Variants in SLC44A1 observed in about 807,000 individuals in gnomAD.
SLC44A1 encodes the protein solute carrier family 44 member 1.
In SLC44A1, 26 loss-of-function variants were observed where a neutral mutation model predicts 79.3. The ratio of observed to expected loss-of-function variants is 0.33; its 90% CI spans 0.24 to 0.46. SLC44A1 has a LOEUF of 0.46. SLC44A1 is among the 20% of genes least tolerant of loss of function. SLC44A1 has a pLI of 1.00. For missense variants in SLC44A1, 688 were observed against 798.1 expected, an observed-to-expected ratio of 0.86 and a Z score of 1.66; for synonymous variants, 263 against 286.2, an observed-to-expected ratio of 0.92 and a Z score of 0.82.
chr9:105,417,432 C>A (rs1038272433), intron 15 of SLC44A1, among the ~76,000 whole-genome samples: 2 of 152,094 alleles, frequency 1.3e-5, no homozygotes, highest in African/African-American at 4.8e-5. Context: ...CCATACCATG[C>A]ATGTCTTTAT....
intron 1 of SLC44A1, among the ~76,000 whole-genome samples, chr9:105,261,280 T>C (rs1829832441): frequency 1.3e-5 from 2 of 152,154 alleles, no homozygotes; most frequent in Non-Finnish European, 2.9e-5. Context: ...GATAGATTTA[T>C]TATATAAGAA....
intron 3 of SLC44A1, among the ~76,000 whole-genome samples, chr9:105,313,672 A>T (rs1485409794): frequency 1.3e-5 from 2 of 152,200 alleles, no homozygotes; most frequent in African/African-American, 4.8e-5. Flanking sequence ...TTTCTGTCAC[A>T]TTCTAGATTG....
At chr9:105,265,940 G>T (rs374658464) in intron 1 of SLC44A1, among the ~76,000 whole-genome samples, 99 of 149,472 alleles carry the variant, frequency 6.6e-4, no homozygotes, top group African/African-American at 2.5e-3. Flanking sequence ...TCGAATTATT[G>T]CTCTCTCTCT....
intron 4 of SLC44A1, among the ~76,000 whole-genome samples, chr9:105,342,974 C>CT (rs1423427037): frequency 1.5e-5 from 2 of 136,058 alleles, no homozygotes; most frequent in Non-Finnish European, 3.1e-5. Context: ...ATCCTTGTCT[C>CT]TAAAAAAAAA....
chr9:105,417,411 T>G (rs1050906146), intron 15 of SLC44A1, among the ~76,000 whole-genome samples: 8 of 152,136 alleles, frequency 5.3e-5, no homozygotes, highest in South Asian at 4.1e-4. Flanking sequence ...TCCCTCCTGC[T>G]TGGTCTTCAG....
intron 3 of SLC44A1, among the ~76,000 whole-genome samples, chr9:105,323,232 A>AG (rs1826456093): frequency 6.7e-6 from 1 of 148,554 alleles, no homozygotes; most frequent in Admixed American, 6.6e-5. Context: ...AAAAAAAAAA[A>AG]AAAGAAAGAA....
chr9:105,266,624 G>C (rs1829968673), intron 1 of SLC44A1, among the ~76,000 whole-genome samples: 1 of 152,080 alleles, frequency 6.6e-6, no homozygotes, highest in African/African-American at 2.4e-5. Flanking sequence ...TATATGTGTG[G>C]ATCTATTTCA....
Position 105,362,870 on chromosome 9 carries a change from C to A in SLC44A1, c.950C>A (p.Thr317Asn). Reference sequence around the variant, plus strand: ...GTTATGCGCAAACGTGTTGCTCTTACCATCGCCTTGTTCCACGTAGCTGGC... The same window carrying A: ...GTTATGCGCAAACGTGTTGCTCTTAACATCGCCTTGTTCCACGTAGCTGGC... Reference protein sequence around the residue: ...MLVMRKRVALTIALFHVAGKV... With the variant: ...MLVMRKRVALNIALFHVAGKV... Residue 317 changes from threonine to asparagine, a missense_variant, in exon 9 of 16, where the codon ACC (threonine) becomes AAC (asparagine). Transcript: ENST00000374720. The A allele has an allele frequency of 1.2e-6, 2 of 1,613,306 alleles. No homozygotes were observed. The highest frequency in any genetic ancestry group is 8.5e-7 in the Non-Finnish European group (1 of 1,179,748).
chr9:105,342,395 G>A (rs937221563), intron 4 of SLC44A1, among the ~76,000 whole-genome samples: 5 of 152,116 alleles, frequency 3.3e-5, no homozygotes, highest in African/African-American at 4.8e-5. Context: ...AAAAGACATA[G>A]CATATAGAGG....
intron 5 of SLC44A1, among the ~76,000 whole-genome samples, chr9:105,351,681 G>GA (rs1300940122): frequency 6.3e-5 from 4 of 63,156 alleles, no homozygotes; most frequent in South Asian, 6.5e-4. Flanking sequence ...AAAGAACCAA[G>GA]AAAAAAATGT....
chr9:105,253,178 T>C (rs1350321834), intron 1 of SLC44A1, among the ~76,000 whole-genome samples: 1 of 152,226 alleles, frequency 6.6e-6, no homozygotes, highest in Non-Finnish European at 1.5e-5. Flanking sequence ...AAGCAACTTT[T>C]ATTCAAATTT....
chr9:105,381,584 G>A (rs1187781814), intron 13 of SLC44A1, among the ~76,000 whole-genome samples: 2 of 150,408 alleles, frequency 1.3e-5, no homozygotes, highest in South Asian at 2.1e-4. Context: ...GAAAATAGAA[G>A]TAATTAACCA....
chr9:105,405,755 G>A (rs1273930178), intron 15 of SLC44A1, among the ~76,000 whole-genome samples: 1 of 152,150 alleles, frequency 6.6e-6, no homozygotes, highest in Non-Finnish European at 1.5e-5. Flanking sequence ...TAGGGTTGAA[G>A]TGATCTCCCA....
rs1239901871 is a variant in SLC44A1 at position 105,392,209 on chromosome 9, A to G, written c.*3153A>G. The G allele has an allele frequency of 1.0e-6, 1 of 984,028 alleles. No individual in the cohort carries two copies. The highest frequency in any genetic ancestry group is 1.2e-6 in the Non-Finnish European group (1 of 828,730). The allele number at this position is 984,028 out of a possible 1,614,324, so 61.0% of individuals were successfully genotyped here. A position where few individuals can be genotyped will look rare whatever the true frequency, so the allele number is the denominator to read the frequency against. The stretch of plus-strand genomic sequence containing the variant: ...CTTTAAAGCATTTAATGCAATGGCT[A>G]ATGTTTAGGATTAAAGTTTTTATTT... On this transcript the variant is annotated 3_prime_UTR_variant, in exon 16 of 16. Coordinates refer to ENST00000374720, the MANE Select transcript of SLC44A1 (RefSeq NM_080546.5).
chr9:105,399,394 T>C (rs919200732), downstream of SLC44A1, among the ~76,000 whole-genome samples: 4 of 152,178 alleles, frequency 2.6e-5, no homozygotes, highest in Non-Finnish European at 4.4e-5. Context: ...TAACCTCACA[T>C]TGGGAGACAG....
intron 12 of SLC44A1, among the ~76,000 whole-genome samples, chr9:105,373,858 A>G (rs183333070): frequency 1.5e-4 from 23 of 152,306 alleles, no homozygotes; most frequent in Admixed American, 8.5e-4. Flanking sequence ...GCCCCAGGGA[A>G]CATCACTTTT....
chr9:105,351,578 AAGAG>A (rs1245550926), intron 5 of SLC44A1, among the ~76,000 whole-genome samples: 1 of 119,964 alleles, frequency 8.3e-6, no homozygotes, highest in African/African-American at 4.1e-5. Flanking sequence ...GAAAGAGAGA[AAGAG>A]AGAAAGAGAG....
exon 16 of SLC44A1, chr9:105,438,368 T>C: frequency 8.0e-7 from 1 of 1,244,314 alleles, no homozygotes; most frequent in Non-Finnish European, 1.1e-6. Flanking sequence ...CACCAGCTGT[T>C]GAGAGTCTGC....
At chr9:105,315,021 G>A (rs1452227498) in intron 3 of SLC44A1, among the ~76,000 whole-genome samples, 1 of 152,250 alleles carries the variant, frequency 6.6e-6, no homozygotes, top group East Asian at 1.9e-4. Context: ...AATAGATCTG[G>A]TGAGCTGTAT....
Sources: allele counts gnomAD v4.1 joint callset (sites outside exome capture counted in the v4.1 genomes callset), GRCh38; gene constraint gnomAD v4.1.1; transcripts MANE v1.5; gene names NCBI Gene and HGNC (gene_info 2026-07-23, HGNC 2026-07-21).